POLR3C: variants seen among roughly 807,000 people sequenced by gnomAD.
The protein encoded by POLR3C is DNA-directed RNA polymerase III subunit RPC3.
A neutral mutation model predicts 65.9 loss-of-function variants in POLR3C; 44 were observed. The ratio of observed to expected loss-of-function variants is 0.67; its 90% CI spans 0.52 to 0.86. POLR3C has a LOEUF of 0.86. Ranked by LOEUF, POLR3C falls within the 40% of genes least tolerant of loss-of-function variation. The probability of loss-of-function intolerance (pLI) is 0.00; values close to 1 mark genes in which losing one functional copy is unlikely to be tolerated. For synonymous variants in POLR3C, 263 were observed against 231.6 expected (o/e 1.14, Z -1.23); for missense variants, 576 against 653.2 (o/e 0.88, Z 1.29).
rs1364144894 is a variant in POLR3C, at chr1:145,837,610, T to G, written c.1070+14T>G. ...CGTACAGGAGAGGTAAGGGGGACAC[T>G]GGTTGGGTTTGGGATCACATACTTC... On this transcript the variant is annotated intron_variant, in intron 10 of 14. Coordinates refer to ENST00000334163, the MANE Select transcript of POLR3C (RefSeq NM_006468.8). 6.3e-7 allele frequency: 1 copy of G among 1,581,970 alleles called. No homozygotes were observed. The highest frequency in any genetic ancestry group is 1.4e-5 in the African/African-American group (1 of 73,874).
Position 145,842,570 on chromosome 1 carries a change from G to T in POLR3C, c.*150G>T, listed in dbSNP as rs192609275. On this transcript the variant is annotated 3_prime_UTR_variant, in exon 15 of 15. Coordinates refer to ENST00000334163, the MANE Select transcript of POLR3C (RefSeq NM_006468.8). ...CCTGCAGCCCAGGATACACCTGAAA[G>T]AATTTGGCATATTTAGATCCATTGC... 1.5e-4 allele frequency: 101 copies of T among 672,784 alleles called. No individual in the cohort carries two copies. Among genetic ancestry groups the T allele is most frequent in the Non-Finnish European group, 1.9e-4 (71 of 373,124 alleles). 41.7% of individuals were successfully genotyped at this position (672,784 alleles called of 1,614,324 possible).
intron 4 of POLR3C, among the ~76,000 whole-genome samples, chr1:145,827,751 T>C (rs1570722433): frequency 1.7e-5 from 2 of 119,656 alleles, no homozygotes; most frequent in Admixed American, 9.6e-5. Context: ...AGAGCCAGAC[T>C]CCGTCTCAAA....
At chr1:145,841,387 A>G (rs587644193) in intron 14 of POLR3C, among the ~76,000 whole-genome samples, 1 of 152,190 alleles carries the variant, frequency 6.6e-6, no homozygotes, top group African/African-American at 2.4e-5. Flanking sequence ...CAGCCTCCCA[A>G]GTAGCTGGGA....
rs1261005361 is a variant in POLR3C, at chr1:145,842,805, A to C, written c.*385A>C. 1.3e-5 allele frequency among the ~76,000 whole-genome samples: 2 copies of C among 150,108 alleles called. No individual in the cohort carries two copies. Among genetic ancestry groups the C allele is most frequent in the Non-Finnish European group, 2.9e-5 (2 of 67,994 alleles). On this transcript the variant is annotated 3_prime_UTR_variant, in exon 15 of 15. Coordinates refer to ENST00000334163, the MANE Select transcript of POLR3C (RefSeq NM_006468.8). Reference sequence around the variant, plus strand: ...TTGTTGAGATAGGTGATAGATAGATAGATAGATAGATAATTTGTTGTTGTT... The same window carrying C: ...TTGTTGAGATAGGTGATAGATAGATCGATAGATAGATAATTTGTTGTTGTT...
rs781896464 is a variant in POLR3C at position 145,839,860 on chromosome 1, C to T, written c.1222-30C>T. The T allele has an allele frequency of 4.2e-6, 5 of 1,198,028 alleles. No individual in the cohort carries two copies. The African/African-American group carries it at 6.0e-5, about 14-fold the overall frequency. 74.2% of individuals were successfully genotyped at this position (1,198,028 alleles called of 1,614,324 possible). On this transcript the variant is annotated intron_variant, in intron 11 of 14. Coordinates refer to ENST00000334163, the MANE Select transcript of POLR3C (RefSeq NM_006468.8). ...TGCCAGTTCTAAAACAGTATAATTT[C>T]TGCTATTTTTCTTTCTATTGGACAA...
At chr1:145,836,134 T>G (rs1651808763) in intron 7 of POLR3C, among the ~76,000 whole-genome samples, 1 of 151,914 alleles carries the variant, frequency 6.6e-6, no homozygotes, top group Non-Finnish European at 1.5e-5. Context: ...TTTTTTTTTT[T>G]TTTGAGACGG....
At chr1:145,826,048 A>G (rs1274784402) in intron 2 of POLR3C, 125 bp downstream of exon 2, 12 of 752,726 alleles carry the variant, frequency 1.6e-5, no homozygotes, top group African/African-American at 1.2e-4. Context: ...GAGCAGAACA[A>G]TGTTATTTCG....
Position 145,825,170 on chromosome 1 carries a change from G to A in POLR3C, c.-20-587G>A, listed in dbSNP as rs587757848. Among the ~76,000 whole-genome samples, 8 of 151,798 alleles carry A rather than the reference G, an allele frequency of 5.3e-5. No homozygotes were observed. In the South Asian group the frequency reaches 1.5e-3, roughly 28 times the overall value. ...GTCGCCCGGGTTGGAGTGCAGTGGC[G>A]CGATCTCGGCTCACTGCAACCTCTG... On this transcript the variant is annotated intron_variant, in intron 1 of 14. Coordinates refer to ENST00000334163, the MANE Select transcript of POLR3C (RefSeq NM_006468.8).
intron 2 of POLR3C, 54 bp downstream of exon 2, chr1:145,825,977 C>A: frequency 7.1e-7 from 1 of 1,413,594 alleles, no homozygotes; most frequent in Non-Finnish European, 1.0e-6. Flanking sequence ...TTTATTTCAC[C>A]CACCTTTGAA....
chr1:145,828,659 C>G, intron 4 of POLR3C, 90 bp from the exon 5 acceptor site: 1 of 910,998 alleles, frequency 1.1e-6, no homozygotes. Flanking sequence ...CTACAGATGT[C>G]TTTGGAATGA....
At position 145,837,590 on chromosome 1, in the gene POLR3C, A is replaced by T. The variant is rs587679501; in HGVS notation, c.1064A>T (p.Gln355Leu). 13 of 1,603,708 alleles carry T rather than the reference A, an allele frequency of 8.1e-6. No individual in the cohort carries two copies. The highest frequency in any genetic ancestry group is 1.1e-5 in the Non-Finnish European group (13 of 1,171,416). The change falls in exon 10 of 15, where the codon CAG (glutamine) becomes CTG (leucine). Residue 355 changes from glutamine (Q) to leucine (L), a missense_variant. Transcript: ENST00000334163. Reference protein sequence around the residue: ...LATATLESVVQERFGSRCARI... With the variant: ...LATATLESVVLERFGSRCARI... ...ACAGCCACTCTGGAGTCCGTCGTAC[A>T]GGAGAGGTAAGGGGGACACTGGTTG...
rs139598071 is a variant in POLR3C, at chr1:145,842,982, T to TA, written c.*562_*563insA. Among the ~76,000 whole-genome samples, 6,204 of 152,160 alleles carry TA rather than the reference T, an allele frequency of 0.041. 171 individuals carry two copies. Among genetic ancestry groups the TA allele is most frequent in the Middle Eastern group, 0.075 (22 of 294 alleles). Reference sequence around the variant, plus strand: ...CATGCACCACACATACCCAGCTATTTTTTATTTATTTATTTATTTTTTTGT... The same window carrying TA: ...CATGCACCACACATACCCAGCTATTTATTTATTTATTTATTTATTTTTTTGT... On this transcript the variant is annotated 3_prime_UTR_variant, in exon 15 of 15. Transcript: ENST00000334163.
At chr1:145,828,158 G>A (rs1198830030) in intron 4 of POLR3C, among the ~76,000 whole-genome samples, 1 of 152,164 alleles carries the variant, frequency 6.6e-6, no homozygotes, top group African/African-American at 2.4e-5. Context: ...CAAAGCAAGA[G>A]AGGCATGAGG....
intron 2 of POLR3C, 94 bp downstream of exon 2, chr1:145,826,017 A>T: frequency 9.8e-7 from 1 of 1,023,220 alleles, no homozygotes; most frequent in East Asian, 2.4e-5. Flanking sequence ...GAAAAGGAAA[A>T]ATGAAGAAAG....
Position 145,836,843 on chromosome 1 carries a change from GT to G in POLR3C, c.987del (p.Ser329ArgfsTer14), listed in dbSNP as rs1553728854. The G allele has an allele frequency of 1.3e-6, 2 of 1,594,728 alleles. No homozygotes were observed. The highest frequency in any genetic ancestry group is 4.5e-5 in the East Asian group (2 of 44,794). ...GAGTTTGTTGGAAAGTCTGGCGACA[GT>G]GGTGGAGGAATGTATGTCATCAGTA... ...PLEFVGKSGD[S>X]GGGMYVINLH... On this transcript the variant is annotated frameshift_variant, in exon 9 of 15. Coordinates refer to ENST00000334163, the MANE Select transcript of POLR3C (RefSeq NM_006468.8). LOFTEE classifies it high-confidence loss of function.
At chr1:145,836,323 T>G (rs1651834917) in intron 7 of POLR3C, among the ~76,000 whole-genome samples, 171 bp from the exon 8 acceptor site, 1 of 152,152 alleles carries the variant, frequency 6.6e-6, no homozygotes, top group Admixed American at 6.5e-5. Flanking sequence ...TTTCACCATA[T>G]TGGTCAGGCT....
intron 11 of POLR3C, 33 bp downstream of exon 11, chr1:145,838,239 A>G (rs1553729377): frequency 6.3e-7 from 1 of 1,597,048 alleles, no homozygotes; most frequent in East Asian, 2.2e-5. Context: ...ATTGCCAACC[A>G]GCAAAGCTGG....
rs1553725875 is a variant in POLR3C at position 145,826,691 on chromosome 1, C to CT, written c.386dup (p.Thr130HisfsTer14). 8.1e-6 allele frequency: 13 copies of CT among 1,614,176 alleles called. No individual in the cohort carries two copies. The highest frequency in any genetic ancestry group is 1.1e-5 in the Non-Finnish European group (13 of 1,180,026). ...TGTTGTGAAGAAAGTGGCAGACCGGCTCACAGAGACCATGGAGGGTCAGTA... is the reference window on the plus strand; with the variant it reads ...TGTTGTGAAGAAAGTGGCAGACCGGCTTCACAGAGACCATGGAGGGTCAGTA... On this transcript the variant is annotated frameshift_variant, in exon 3 of 15. Coordinates refer to ENST00000334163, the MANE Select transcript of POLR3C (RefSeq NM_006468.8). LOFTEE classifies it high-confidence loss of function.
intron 1 of POLR3C, among the ~76,000 whole-genome samples, chr1:145,825,453 A>G (rs1414435336): frequency 6.6e-6 from 1 of 152,172 alleles, no homozygotes; most frequent in Admixed American, 6.6e-5. Context: ...GTACTAAATA[A>G]CTTTAAATGT....
Sources: allele counts gnomAD v4.1 joint callset (sites outside exome capture counted in the v4.1 genomes callset), GRCh38; gene constraint gnomAD v4.1.1; transcripts MANE v1.5; gene names NCBI Gene and HGNC (gene_info 2026-07-23, HGNC 2026-07-21).